APBB2: variants seen among roughly 807,000 people sequenced by gnomAD.
The protein encoded by APBB2 is Fe65-like 1.
APBB2 carries 38 observed loss-of-function variants against 82.5 expected under a neutral mutation model. The ratio of observed to expected loss-of-function variants is 0.46; its 90% CI spans 0.36 to 0.60. The LOEUF (loss-of-function observed/expected upper bound fraction) is 0.60. Among genes scored for constraint, APBB2 ranks in the 20% least tolerant of loss-of-function variants. The pLI is 0.00. For synonymous variants in APBB2, 341 were observed against 368.2 expected (o/e 0.93, Z 0.85); for missense variants, 772 against 972.3 (o/e 0.79, Z 2.74).
At chr4:40,971,150 G>A (rs1192263564) in intron 6 of APBB2, among the ~76,000 whole-genome samples, 1 of 152,066 alleles carries the variant, frequency 6.6e-6, no homozygotes, top group Non-Finnish European at 1.5e-5. Flanking sequence ...GATTTCTACC[G>A]ACTGATAAAC....
chr4:41,097,186 G>T (rs906725363), intron 3 of APBB2, among the ~76,000 whole-genome samples: 25 of 152,186 alleles, frequency 1.6e-4, no homozygotes, highest in African/African-American at 5.6e-4. Flanking sequence ...AGCTCGGCAG[G>T]AGGAATATGT....
At chr4:41,148,938 G>A (rs375518366) in intron 1 of APBB2, among the ~76,000 whole-genome samples, 2 of 152,110 alleles carry the variant, frequency 1.3e-5, no homozygotes, top group African/African-American at 4.8e-5. Context: ...GCAATGCTAC[G>A]TCTGCTTCAA....
At chr4:41,186,399 T>C (rs991202387) in intron 1 of APBB2, among the ~76,000 whole-genome samples, 22 of 152,232 alleles carry the variant, frequency 1.4e-4, no homozygotes, top group Non-Finnish European at 1.2e-4. Flanking sequence ...TTGTCTGGTA[T>C]GCACCTAGCT....
rs879506361 is a variant in APBB2, at chr4:40,832,023, C to T, written c.1530-1446G>A. ...ATATATTTATTTATATACACACACACACACACACACACACACACACACACA... is the reference window on the plus strand; with the variant it reads ...ATATATTTATTTATATACACACACATACACACACACACACACACACACACA... On this transcript the variant is annotated intron_variant, in intron 12 of 17. Transcript: ENST00000508593. The surrounding 1 kb of genome is among the most constrained non-coding windows in gnomAD (Gnocchi z 4.8). 4.0e-4 allele frequency among the ~76,000 whole-genome samples: 60 copies of T among 150,346 alleles called. No homozygotes were observed. The highest frequency in any genetic ancestry group is 3.4e-3 in the Middle Eastern group (1 of 294).
At position 40,997,192 on chromosome 4, in the gene APBB2, T is replaced by G. The variant is rs556149047; in HGVS notation, c.835+16391A>C. 1.4e-3 allele frequency among the ~76,000 whole-genome samples: 212 copies of G among 152,318 alleles called. 1 individual carries two copies. The highest frequency in any genetic ancestry group is 3.7e-3 in the Admixed American group (57 of 15,304). On this transcript the variant is annotated intron_variant, in intron 6 of 17. Transcript: ENST00000508593. ...ACTATATAAACCCCTAAGTTTAGTGTGTCGGGGAGATGCATTTGAGACTGA... is the reference window on the plus strand; with the variant it reads ...ACTATATAAACCCCTAAGTTTAGTGGGTCGGGGAGATGCATTTGAGACTGA...
intron 1 of APBB2, among the ~76,000 whole-genome samples, chr4:41,198,338 AG>A: frequency 6.6e-6 from 1 of 152,372 alleles, no homozygotes; most frequent in Middle Eastern, 3.4e-3. Flanking sequence ...CTTACTGGCT[AG>A]CATATGGCCT....
intron 6 of APBB2, among the ~76,000 whole-genome samples, chr4:40,980,988 CT>C (rs1485098404): frequency 6.6e-6 from 1 of 152,196 alleles, no homozygotes; most frequent in East Asian, 1.9e-4. Flanking sequence ...CAGAATCTCT[CT>C]GGGATGAGAC....
intron 1 of APBB2, among the ~76,000 whole-genome samples, chr4:41,146,909 C>G (rs1175427694): frequency 6.6e-6 from 1 of 152,138 alleles, no homozygotes; most frequent in Non-Finnish European, 1.5e-5. Flanking sequence ...TGCGAGAGCC[C>G]GAACAAACAC....
chr4:41,015,300 GAATAA>G (rs1002668893), intron 5 of APBB2, among the ~76,000 whole-genome samples: 2 of 152,140 alleles, frequency 1.3e-5, no homozygotes, highest in Non-Finnish European at 2.9e-5. Context: ...GACTAGAAGG[GAATAA>G]AATTCATCAG....
At chr4:40,880,299 T>C (rs779077414) in intron 12 of APBB2, 106 of 985,252 alleles carry the variant, frequency 1.1e-4, no homozygotes, top group Non-Finnish European at 3.7e-5. Context: ...AATTCTTCTT[T>C]CCCAGTGACG....
chr4:40,907,361 ATATATATATATATATATATTTTT>A (rs1468393519), intron 10 of APBB2, among the ~76,000 whole-genome samples: 1,645 of 86,890 alleles, frequency 0.019, 33 homozygotes, highest in African/African-American at 0.071. Flanking sequence ...ATATATATAT[ATATATATATATATATATATTTTT>A]TTTTTTTTTT....
chr4:40,998,942 T>C (rs1349203158), intron 6 of APBB2, among the ~76,000 whole-genome samples: 1 of 152,140 alleles, frequency 6.6e-6, no homozygotes, highest in East Asian at 1.9e-4. Context: ...GCACAAGATT[T>C]TATTGCGCTA....
rs956258128 is a variant in APBB2, at chr4:40,971,893, G to A, written c.836-26820C>T. ...GTATGAAAAGCCTATAGTGCATAAT[G>A]AATCCTTTCATGTTCAGATTTGAGC... On this transcript the variant is annotated intron_variant, in intron 6 of 17. Transcript: ENST00000508593. Among the ~76,000 whole-genome samples the A allele has an allele frequency of 5.3e-5, 8 of 152,120 alleles. No homozygotes were observed. The South Asian group carries it at 1.7e-3, about 32-fold the overall frequency.
At chr4:40,830,672 T>C in intron 12 of APBB2, 95 bp from the exon 13 acceptor site, 1 of 730,770 alleles carries the variant, frequency 1.4e-6, no homozygotes, top group Non-Finnish European at 2.5e-6. Context: ...AGCCAGCGTG[T>C]CAATGGTAAA....
intron 12 of APBB2, among the ~76,000 whole-genome samples, chr4:40,868,518 G>A (rs1764618766): frequency 6.6e-6 from 1 of 152,204 alleles, no homozygotes; most frequent in African/African-American, 2.4e-5. Flanking sequence ...TCCATGACAT[G>A]TGAAATGTGT....
intron 6 of APBB2, among the ~76,000 whole-genome samples, chr4:40,960,590 G>A (rs1051174714): frequency 1.3e-5 from 2 of 151,718 alleles, no homozygotes; most frequent in African/African-American, 2.4e-5. Context: ...TGGGACTACA[G>A]GCACCCGCCA....
intron 2 of APBB2, among the ~76,000 whole-genome samples, chr4:41,141,807 C>T (rs1421712816): frequency 6.6e-6 from 1 of 152,228 alleles, no homozygotes; most frequent in Admixed American, 6.5e-5. Flanking sequence ...TTAAAACCAA[C>T]AGATCTCATA....
chr4:40,994,696 C>A lies in APBB2; in HGVS notation c.835+18887G>T, dbSNP rs191028887. Reference sequence around the variant, plus strand: ...AGGCGTGGTGGCACATGCCTATAGTCCCAGCTACTCGGGAAGCTGAGGGAG... The same window carrying A: ...AGGCGTGGTGGCACATGCCTATAGTACCAGCTACTCGGGAAGCTGAGGGAG... On this transcript the variant is annotated intron_variant, in intron 6 of 17. Transcript: ENST00000508593. 1.9e-3 allele frequency among the ~76,000 whole-genome samples: 289 copies of A among 151,738 alleles called. 1 individual carries two copies. The highest frequency in any genetic ancestry group is 6.7e-3 in the African/African-American group (276 of 41,352).
chr4:41,004,120 T>G (rs1333298123), intron 6 of APBB2, among the ~76,000 whole-genome samples: 1 of 152,112 alleles, frequency 6.6e-6, no homozygotes, highest in East Asian at 1.9e-4. Flanking sequence ...GGTTTCACCA[T>G]GTTGGCCAGA....
Sources: gnomAD v4.1 joint callset for allele counts (sites outside exome capture counted in the v4.1 genomes callset) on GRCh38, gnomAD v4.1.1 for gene constraint, Gnocchi (gnomAD v3.1) non-coding constraint, MANE v1.5 for transcripts, NCBI Gene and HGNC (gene_info 2026-07-23, HGNC 2026-07-21) for gene names.